Variants in CDK14 observed in about 807,000 individuals in gnomAD.
CDK14 encodes the protein cyclin-dependent kinase 14.
In CDK14, 34 loss-of-function variants were observed where a neutral mutation model predicts 60.7. The observed-to-expected ratio is 0.56, with a 90% CI of 0.43 to 0.75. The LOEUF is 0.75. Ranked by LOEUF, CDK14 falls within the 30% of genes least tolerant of loss-of-function variation. The pLI is 0.00. For missense variants in CDK14, 482 were observed against 564.1 expected, an observed-to-expected ratio of 0.85 and a Z score of 1.47; for synonymous variants, 197 against 203.7, an observed-to-expected ratio of 0.97 and a Z score of 0.28.
chr7:91,101,390 T>C lies in CDK14; in HGVS notation c.1155-11152T>C, dbSNP rs142768452. ...TAGAGCTGCCTACAAATAGCATTAT[T>C]CTAATATAGCATTGGCTGTCAAGTG... On this transcript the variant is annotated intron_variant, in intron 12 of 14. Coordinates refer to ENST00000380050, the MANE Select transcript of CDK14 (RefSeq NM_001287135.2). Among the ~76,000 whole-genome samples, 473 of 152,330 alleles carry C rather than the reference T, an allele frequency of 3.1e-3. 2 individuals are homozygous for C. Among genetic ancestry groups the C allele is most frequent in the African/African-American group, 7.8e-3 (323 of 41,582 alleles).
intron 4 of CDK14, among the ~76,000 whole-genome samples, chr7:90,768,405 GAA>G (rs1562760364): frequency 6.6e-6 from 1 of 152,162 alleles, no homozygotes; most frequent in African/African-American, 2.4e-5. Flanking sequence ...ATATTACAAA[GAA>G]AGTTCAGAGA....
intron 2 of CDK14, among the ~76,000 whole-genome samples, chr7:90,702,551 A>G (rs1801805917): frequency 6.8e-6 from 1 of 147,158 alleles, no homozygotes; most frequent in Admixed American, 7.1e-5. Context: ...TACTAAAACA[A>G]TGCCACAGGA....
chr7:91,089,926 G>T (rs919289979), intron 12 of CDK14, among the ~76,000 whole-genome samples: 1 of 152,150 alleles, frequency 6.6e-6, no homozygotes, highest in Admixed American at 6.6e-5. Context: ...TTTGAGTCAA[G>T]CTGTACCTAT....
chr7:90,856,372 C>T (rs1790816932), intron 5 of CDK14, among the ~76,000 whole-genome samples: 2 of 152,026 alleles, frequency 1.3e-5, no homozygotes, highest in Admixed American at 6.6e-5. Context: ...TAGCCCTATT[C>T]CTCTATTTTT....
intron 5 of CDK14, among the ~76,000 whole-genome samples, chr7:90,792,868 T>G (rs527641672): frequency 6.6e-6 from 1 of 152,322 alleles, no homozygotes; most frequent in African/African-American, 2.4e-5. Flanking sequence ...TGCTATAGAG[T>G]TTCCTGTCTC....
intron 2 of CDK14, among the ~76,000 whole-genome samples, chr7:90,655,069 T>C (rs1190553267): frequency 1.3e-5 from 2 of 151,708 alleles, no homozygotes; most frequent in Non-Finnish European, 3.0e-5. Flanking sequence ...TGTTATATGG[T>C]TGAAGTCAAA....
intron 2 of CDK14, among the ~76,000 whole-genome samples, chr7:90,639,162 T>C (rs1408603165): frequency 2.6e-5 from 4 of 152,224 alleles, no homozygotes; most frequent in East Asian, 1.9e-4. Context: ...AGCTTTGATC[T>C]GTTGCTGGTG....
intron 2 of CDK14, among the ~76,000 whole-genome samples, chr7:90,647,438 G>C (rs190614777): frequency 6.6e-5 from 10 of 151,956 alleles, no homozygotes; most frequent in African/African-American, 2.2e-4. Flanking sequence ...ATTATTAAAA[G>C]AATGATTTCA....
rs150641457 is a variant in CDK14 at position 91,123,953 on chromosome 7, C to T, written c.*28+5745C>T. Among the ~76,000 whole-genome samples, 938 of 152,130 alleles carry T rather than the reference C, an allele frequency of 6.2e-3. 18 individuals are homozygous for T. The highest frequency in any genetic ancestry group is 0.022 in the African/African-American group (894 of 41,514). On this transcript the variant is annotated intron_variant, in intron 14 of 14. Coordinates refer to ENST00000380050, the MANE Select transcript of CDK14 (RefSeq NM_001287135.2). ...TTGTTTTTTTTAAGAGACAGGGTCT[C>T]GCTCTGTTGCTCAGGCTGAACTTCG...
In CDK14 at chr7:90,780,864, C is replaced by T. The variant is rs1040598643; in HGVS notation, c.465-9709C>T. Among the ~76,000 whole-genome samples the T allele has an allele frequency of 5.3e-5, 8 of 151,958 alleles. No individual in the cohort carries two copies. The South Asian group carries it at 6.3e-4, about 12-fold the overall frequency. On this transcript the variant is annotated intron_variant, in intron 4 of 14. Coordinates refer to ENST00000380050, the MANE Select transcript of CDK14 (RefSeq NM_001287135.2). Reference sequence around the variant, plus strand: ...TGTGAATAGTGCCGCAATAAACATACGTGTGCATGTGTCTTTATAGTAGCA... The same window carrying T: ...TGTGAATAGTGCCGCAATAAACATATGTGTGCATGTGTCTTTATAGTAGCA...
chr7:90,682,310 CT>C (rs1251445492), intron 2 of CDK14, among the ~76,000 whole-genome samples: 1 of 152,098 alleles, frequency 6.6e-6, no homozygotes, highest in Non-Finnish European at 1.5e-5. Context: ...CATTTTAAAA[CT>C]TTTTCTTTGG....
At chr7:90,957,726 T>C (rs929600483) in intron 9 of CDK14, among the ~76,000 whole-genome samples, 1 of 152,040 alleles carries the variant, frequency 6.6e-6, no homozygotes, top group Non-Finnish European at 1.5e-5. Context: ...CGGAAGAACA[T>C]TCCATGCTCA....
At chr7:90,843,594 CTGGGGCTG>C (rs1405347424) in intron 5 of CDK14, among the ~76,000 whole-genome samples, 1 of 152,118 alleles carries the variant, frequency 6.6e-6, no homozygotes, top group Non-Finnish European at 1.5e-5. Context: ...CTCCTTAGTG[CTGGGGCTG>C]TGGCAGGGAA....
intron 2 of CDK14, among the ~76,000 whole-genome samples, chr7:90,685,384 C>A (rs528817626): frequency 1.4e-4 from 22 of 152,208 alleles, no homozygotes; most frequent in Middle Eastern, 3.4e-3. Context: ...GCTTATCATA[C>A]AGTTAGTCTT....
chr7:90,867,500 A>G (rs1056507430), intron 6 of CDK14, among the ~76,000 whole-genome samples: 7 of 152,230 alleles, frequency 4.6e-5, no homozygotes, highest in Non-Finnish European at 2.9e-5. Flanking sequence ...CATTAAGCTA[A>G]TAACTGTTCT....
chr7:90,602,065 C>T (rs1799328206), intron 1 of CDK14, among the ~76,000 whole-genome samples: 1 of 152,138 alleles, frequency 6.6e-6, no homozygotes, highest in Admixed American at 6.6e-5. Context: ...CCTCAGCCTT[C>T]CAAAGTGCTG....
chr7:90,758,680 T>G (rs987381076), intron 4 of CDK14, among the ~76,000 whole-genome samples: 1 of 152,184 alleles, frequency 6.6e-6, no homozygotes, highest in Non-Finnish European at 1.5e-5. Context: ...AACTTAATCT[T>G]GAAGGGAGAT....
intron 11 of CDK14, among the ~76,000 whole-genome samples, chr7:91,055,858 A>G (rs953802774): frequency 1.3e-5 from 2 of 152,238 alleles, no homozygotes. Flanking sequence ...TTTTAAAATA[A>G]AACATTTGGT....
At chr7:91,034,179 CTGT>C (rs368188033) in intron 10 of CDK14, among the ~76,000 whole-genome samples, 4 of 152,190 alleles carry the variant, frequency 2.6e-5, no homozygotes, top group African/African-American at 9.6e-5. Flanking sequence ...AATCTCTGAA[CTGT>C]ATAACTAAGT....
Sources: gnomAD v4.1 joint callset for allele counts (sites outside exome capture counted in the v4.1 genomes callset) on GRCh38, gnomAD v4.1.1 for gene constraint, MANE v1.5 for transcripts, NCBI Gene and HGNC (gene_info 2026-07-23, HGNC 2026-07-21) for gene names.